PDE2A: variants seen among roughly 807,000 people sequenced by gnomAD.
The protein encoded by PDE2A is cGMP-dependent 3',5'-cyclic phosphodiesterase.
Under a neutral mutation model 133.6 loss-of-function variants are expected in PDE2A, and 53 were observed. That is an observed-to-expected ratio of 0.40 (90% CI 0.32 to 0.50). PDE2A has a LOEUF of 0.50. PDE2A is among the 20% of genes least tolerant of loss of function. The pLI is 0.73. For synonymous variants in PDE2A, 491 were observed against 490.2 expected (o/e 1.00, Z -0.02); for missense variants, 796 against 1,232.4 (o/e 0.65, Z 5.30).
intron 19 of PDE2A, 65 bp from the exon 20 acceptor site, chr11:72,583,580 A>G: frequency 9.1e-7 from 1 of 1,094,324 alleles, no homozygotes; most frequent in Non-Finnish European, 1.4e-6. Flanking sequence ...AATGCCCAGG[A>G]CTGGGATGAA....
chr11:72,630,131 G>A (rs954342109), intron 2 of PDE2A, among the ~76,000 whole-genome samples: 4 of 152,126 alleles, frequency 2.6e-5, no homozygotes, highest in Non-Finnish European at 4.4e-5. Flanking sequence ...AGGCATGGTC[G>A]GGGGGTGGGG....
chr11:72,623,000 G>A (rs1053742210), intron 2 of PDE2A, among the ~76,000 whole-genome samples: 6 of 152,088 alleles, frequency 3.9e-5, no homozygotes, highest in Non-Finnish European at 8.8e-5. Flanking sequence ...CTTCTCTCTG[G>A]TATTGTGTCT....
intron 4 of PDE2A, among the ~76,000 whole-genome samples, chr11:72,602,118 A>G (rs950653918): frequency 2.0e-5 from 3 of 152,120 alleles, no homozygotes; most frequent in Non-Finnish European, 4.4e-5. Context: ...GATAATTACA[A>G]TGGGATTGGC....
chr11:72,634,765 C>T (rs752119182), intron 2 of PDE2A, among the ~76,000 whole-genome samples: 1 of 152,232 alleles, frequency 6.6e-6, no homozygotes, highest in Admixed American at 6.5e-5. Context: ...AGTCCCTGAC[C>T]TGGGACTCCT....
rs745937079 is a variant in PDE2A at position 72,590,333 on chromosome 11, C to A, written c.704-89G>T. ...GGCGCCGCTCAGCTCCGCGCCGGGC[C>A]CGCCGCCGGCTCCCGGGATCGCCTA... On this transcript the variant is annotated intron_variant, in intron 8 of 30. Coordinates refer to ENST00000334456, the MANE Select transcript of PDE2A (RefSeq NM_002599.5). This position sits in a 1 kb window ranked among gnomAD's most constrained non-coding sequence, Gnocchi z 4.8. 1.9e-6 allele frequency: 3 copies of A among 1,538,536 alleles called. No homozygotes were observed. Among genetic ancestry groups the A allele is most frequent in the South Asian group, 1.2e-5 (1 of 83,752 alleles).
chr11:72,636,253 C>G (rs1858691059), intron 2 of PDE2A: 1 of 414,864 alleles, frequency 2.4e-6, no homozygotes, highest in Non-Finnish European at 3.3e-6. Flanking sequence ...ATCCAAAGTT[C>G]TGGGAAGCAG....
At chr11:72,672,037 C>T (rs1030369562) in intron 1 of PDE2A, among the ~76,000 whole-genome samples, 8 of 152,126 alleles carry the variant, frequency 5.3e-5, no homozygotes, top group African/African-American at 1.9e-4. Flanking sequence ...CAGCCTTTCC[C>T]AAGTTCTCAA....
chr11:72,647,455 G>A (rs1158239637), intron 1 of PDE2A, among the ~76,000 whole-genome samples: 2 of 152,196 alleles, frequency 1.3e-5, no homozygotes, highest in East Asian at 3.8e-4. Flanking sequence ...TGGGCAGAAG[G>A]TACCTCTCCT....
chr11:72,622,661 G>T (rs1406838726), intron 2 of PDE2A, among the ~76,000 whole-genome samples: 1 of 152,190 alleles, frequency 6.6e-6, no homozygotes, highest in Non-Finnish European at 1.5e-5. Flanking sequence ...CATAGAGACA[G>T]AAAGTAGAAT....
Position 72,590,601 on chromosome 11 carries a change from A to AGCGCGCCGCTCGCCCCAAGCTC in PDE2A, c.550-43_550-22dup. ...AGGGTCTGGGGCAGGCCGAGCGGTT[A>AGCGCGCCGCTCGCCCCAAGCTC]GCGCGCCGCTCGCCCCAAGCTCGCT... On this transcript the variant is annotated intron_variant, in intron 7 of 30. Transcript: ENST00000334456. This position sits in a 1 kb window ranked among gnomAD's most constrained non-coding sequence, Gnocchi z 4.8. The AGCGCGCCGCTCGCCCCAAGCTC allele has an allele frequency of 7.4e-7, 1 of 1,352,034 alleles. No individual in the cohort carries two copies. Among genetic ancestry groups the AGCGCGCCGCTCGCCCCAAGCTC allele is most frequent in the Non-Finnish European group, 9.5e-7 (1 of 1,057,738 alleles). 83.8% of individuals were successfully genotyped at this position (1,352,034 alleles called of 1,614,324 possible).
intron 2 of PDE2A, among the ~76,000 whole-genome samples, chr11:72,641,782 T>G (rs550091903): frequency 6.6e-6 from 1 of 152,194 alleles, no homozygotes; most frequent in Non-Finnish European, 1.5e-5. Flanking sequence ...GGTGGGAATC[T>G]GAGCGGGTGT....
intron 1 of PDE2A, among the ~76,000 whole-genome samples, chr11:72,653,931 AG>A (rs1854819998): frequency 6.6e-6 from 1 of 152,236 alleles, no homozygotes; most frequent in Non-Finnish European, 1.5e-5. Flanking sequence ...CTGAAATAAC[AG>A]GAAGTCAGGG....
At chr11:72,641,555 C>T (rs72962137) in intron 2 of PDE2A, among the ~76,000 whole-genome samples, 464 of 152,274 alleles carry the variant, frequency 3.0e-3, no homozygotes, top group Non-Finnish European at 5.6e-3. Flanking sequence ...GAAGAGAAAC[C>T]AGAGGAGAAG....
intron 2 of PDE2A, among the ~76,000 whole-genome samples, chr11:72,609,087 G>T (rs1857093725): frequency 6.6e-6 from 1 of 152,226 alleles, no homozygotes; most frequent in Non-Finnish European, 1.5e-5. Flanking sequence ...AAACCACAAG[G>T]CTCCAAATTA....
chr11:72,603,025 A>G (rs949397821), intron 4 of PDE2A, among the ~76,000 whole-genome samples: 17 of 152,062 alleles, frequency 1.1e-4, no homozygotes, highest in African/African-American at 3.9e-4. Flanking sequence ...CCTTCCCCCA[A>G]TCCTTTTTCA....
chr11:72,617,997 G>T (rs1488563824), intron 2 of PDE2A, among the ~76,000 whole-genome samples: 1 of 152,132 alleles, frequency 6.6e-6, no homozygotes, highest in African/African-American at 2.4e-5. Context: ...CCAGGGCCGG[G>T]GTCTCTCAGC....
At chr11:72,598,172 G>C (rs1856573492) in intron 4 of PDE2A, among the ~76,000 whole-genome samples, 1 of 152,218 alleles carries the variant, frequency 6.6e-6, no homozygotes, top group Non-Finnish European at 1.5e-5. Flanking sequence ...CTATGAATTA[G>C]ATATCTTCAT....
intron 18 of PDE2A, 50 bp downstream of exon 18, chr11:72,584,501 C>T (rs771186701): frequency 3.3e-6 from 5 of 1,537,682 alleles, no homozygotes; most frequent in Non-Finnish European, 4.4e-6. Context: ...CGCTCGGACC[C>T]GCCCCGCCCG....
At chr11:72,599,987 G>T (rs1856667203) in intron 4 of PDE2A, among the ~76,000 whole-genome samples, 1 of 152,234 alleles carries the variant, frequency 6.6e-6, no homozygotes, top group Non-Finnish European at 1.5e-5. Context: ...ACAGGCAGAG[G>T]TTATCGAGGC....
Sources: allele counts gnomAD v4.1 joint callset (sites outside exome capture counted in the v4.1 genomes callset), GRCh38; gene constraint gnomAD v4.1.1; non-coding constraint Gnocchi (gnomAD v3.1); transcripts MANE v1.5; gene names NCBI Gene and HGNC (gene_info 2026-07-23, HGNC 2026-07-21).